The following PCSK5 variants were observed in gnomAD, a reference collection of about 807,000 sequenced individuals.
PCSK5 encodes the protein proprotein convertase subtilisin/kexin type 5.
Under a neutral mutation model 233.2 loss-of-function variants are expected in PCSK5, and 129 were observed. That is an observed-to-expected ratio of 0.55 (90% CI 0.48 to 0.64). The LOEUF (loss-of-function observed/expected upper bound fraction) is 0.64. Ranked by LOEUF, PCSK5 falls within the 30% of genes least tolerant of loss-of-function variation. The pLI is 0.00. For missense variants in PCSK5, 2,076 were observed against 2,430.1 expected, an observed-to-expected ratio of 0.85 and a Z score of 3.06; for synonymous variants, 825 against 879.2, an observed-to-expected ratio of 0.94 and a Z score of 1.09.
intron 23 of PCSK5, among the ~76,000 whole-genome samples, chr9:76,239,801 G>A (rs201062590): frequency 4.0e-5 from 6 of 151,830 alleles, no homozygotes; most frequent in African/African-American, 9.7e-5. Context: ...AATAAAATTC[G>A]AATCCAAAAG....
intron 5 of PCSK5, among the ~76,000 whole-genome samples, chr9:76,048,800 ATATTAAG>A (rs1335509069): frequency 6.6e-6 from 1 of 152,226 alleles, no homozygotes; most frequent in East Asian, 1.9e-4. Flanking sequence ...GTTGCAAATT[ATATTAAG>A]TATTCTTTCC....
intron 9 of PCSK5, among the ~76,000 whole-genome samples, chr9:76,118,354 A>G (rs1034550832): frequency 2.0e-5 from 3 of 148,848 alleles, no homozygotes; most frequent in Admixed American, 6.6e-5. Context: ...CTGATTATAT[A>G]TACTGTTTTT....
chr9:76,332,794 C>G (rs981354432), intron 34 of PCSK5, among the ~76,000 whole-genome samples, 184 bp downstream of exon 34: 1 of 152,150 alleles, frequency 6.6e-6, no homozygotes, highest in Admixed American at 6.5e-5. Flanking sequence ...GCAGAGTGAC[C>G]GAGTGAGTTA....
intron 2 of PCSK5, among the ~76,000 whole-genome samples, chr9:75,982,749 CTTT>C (rs528976970): frequency 9.9e-6 from 1 of 100,764 alleles, no homozygotes. Context: ...CCCTGTGGTG[CTTT>C]TTTTTTTTTT....
intron 3 of PCSK5, among the ~76,000 whole-genome samples, chr9:75,988,219 C>T (rs1826608867): frequency 6.6e-6 from 1 of 152,120 alleles, no homozygotes; most frequent in South Asian, 2.1e-4. Context: ...AAATACATAA[C>T]ATTTATTGAG....
rs368889950 is a variant in PCSK5, at chr9:76,233,788, C to A, written c.2866+192C>A. ...ACACAAAAAGCTTGTTCACCTTATTCGGGTGTAGACTCGGTGCCCTGGAAA... is the reference window on the plus strand; with the variant it reads ...ACACAAAAAGCTTGTTCACCTTATTAGGGTGTAGACTCGGTGCCCTGGAAA... On this transcript the variant is annotated intron_variant, in intron 22 of 37. Transcript: ENST00000674117. Among the ~76,000 whole-genome samples, 82 of 152,090 alleles carry A rather than the reference C, an allele frequency of 5.4e-4. No individual in the cohort carries two copies. In the South Asian group the frequency reaches 0.017, roughly 31 times the overall value.
intron 9 of PCSK5, among the ~76,000 whole-genome samples, chr9:76,129,804 G>C (rs144097062): frequency 2.7e-4 from 41 of 152,206 alleles, no homozygotes; most frequent in African/African-American, 9.6e-4. Context: ...GAGATGTCCT[G>C]CTTCTTCTAA....
rs773542086 is a variant in PCSK5 at position 76,358,839 on chromosome 9, C to T, written c.5581C>T (p.Arg1861Trp). The change falls in exon 38 of 38, where the codon CGG (arginine) becomes TGG (tryptophan). Residue 1861 changes from arginine (R) to tryptophan (W), a missense_variant. Transcript: ENST00000674117. ...CATGGGCCAGGATGGCACAGTCTACCGGAAATTTAAATATGGGCTGCTGGA... is the reference window on the plus strand; with the variant it reads ...CATGGGCCAGGATGGCACAGTCTACTGGAAATTTAAATATGGGCTGCTGGA... Reference protein sequence around the residue: ...VYMGQDGTVYRKFKYGLLDDD... With the variant: ...VYMGQDGTVYWKFKYGLLDDD... 104 of 1,612,640 alleles carry T rather than the reference C, an allele frequency of 6.4e-5. No individual in the cohort carries two copies. Among genetic ancestry groups the T allele is most frequent in the Non-Finnish European group, 8.6e-5 (101 of 1,179,858 alleles).
At chr9:76,198,057 T>C (rs2131264943) in intron 20 of PCSK5, among the ~76,000 whole-genome samples, 1 of 152,342 alleles carries the variant, frequency 6.6e-6, no homozygotes, top group South Asian at 2.1e-4. Flanking sequence ...CCAGATTCAG[T>C]TATTGAGCAA....
intron 10 of PCSK5, among the ~76,000 whole-genome samples, chr9:76,147,116 T>C (rs1413318944): frequency 6.6e-6 from 1 of 152,204 alleles, no homozygotes; most frequent in Non-Finnish European, 1.5e-5. Flanking sequence ...TCATCTCAAC[T>C]CAGTCAAACC....
chr9:75,967,425 T>A (rs1458341366), intron 2 of PCSK5, among the ~76,000 whole-genome samples: 3 of 152,188 alleles, frequency 2.0e-5, no homozygotes, highest in Non-Finnish European at 4.4e-5. Context: ...AACGACATGA[T>A]TTCATTCTTT....
At chr9:76,073,365 GTTAAAACAT>G (rs1427734954) in intron 7 of PCSK5, among the ~76,000 whole-genome samples, 4 of 152,114 alleles carry the variant, frequency 2.6e-5, no homozygotes, top group Non-Finnish European at 5.9e-5. Context: ...TTCAGGTTTG[GTTAAAACAT>G]TCACTTTTTT....
rs563382846 is a variant in PCSK5, at chr9:76,152,360, TACTC to T, written c.1313-4683_1313-4680del. Among the ~76,000 whole-genome samples the T allele has an allele frequency of 2.5e-3, 384 of 152,362 alleles. 3 individuals carry two copies. The highest frequency in any genetic ancestry group is 8.8e-3 in the African/African-American group (367 of 41,594). On this transcript the variant is annotated intron_variant, in intron 10 of 37. Coordinates refer to ENST00000674117, the MANE Select transcript of PCSK5 (RefSeq NM_001372043.1). ...ATTTTAGCTGGGCTTTTACATTAAA[TACTC>T]AGTAATGGATAGTGGTTACTAAGTT...
At chr9:76,296,492 G>A (rs752658182) in intron 26 of PCSK5, among the ~76,000 whole-genome samples, 173 bp from the exon 27 acceptor site, 4 of 152,070 alleles carry the variant, frequency 2.6e-5, no homozygotes, top group African/African-American at 9.7e-5. Context: ...GCAGTGAGCC[G>A]AGATCATGCC....
At position 76,189,130 on chromosome 9, in the gene PCSK5, G is replaced by C; in HGVS notation, c.2417G>C (p.Gly806Ala). 1 of 1,613,292 alleles carries C rather than the reference G, an allele frequency of 6.2e-7. No individual in the cohort carries two copies. Among genetic ancestry groups the C allele is most frequent in the Non-Finnish European group, 8.5e-7 (1 of 1,179,520 alleles). The change falls in exon 19 of 38, where the codon GGC becomes GCC. Residue 806 changes from glycine to alanine, a missense_variant. Gly to Ala is a moderately conservative substitution (Grantham distance 60, BLOSUM62 0). Coordinates refer to ENST00000674117, the MANE Select transcript of PCSK5 (RefSeq NM_001372043.1). Reference sequence around the variant, plus strand: ...GATGGGTGCATTAACTGCACAGAGGGCTACTTCATGGAGGATGGGAGATGC... The same window carrying C: ...GATGGGTGCATTAACTGCACAGAGGCCTACTTCATGGAGGATGGGAGATGC... Reference protein sequence around the residue: ...GADGCINCTEGYFMEDGRCVQ... With the variant: ...GADGCINCTEAYFMEDGRCVQ...
chr9:76,285,579 G>T (rs1182928085), intron 24 of PCSK5, among the ~76,000 whole-genome samples: 1 of 152,072 alleles, frequency 6.6e-6, no homozygotes, highest in African/African-American at 2.4e-5. Context: ...CTTGCATGGG[G>T]TATGAATGAA....
intron 13 of PCSK5, 83 bp downstream of exon 13, chr9:76,169,923 CAT>C (rs1823260060): frequency 9.4e-7 from 1 of 1,062,842 alleles, no homozygotes; most frequent in Admixed American, 1.9e-5. Flanking sequence ...TTCACACTCA[CAT>C]ATTAGCATCT....
chr9:76,135,440 T>C (rs1001844746), intron 10 of PCSK5, among the ~76,000 whole-genome samples: 1 of 152,102 alleles, frequency 6.6e-6, no homozygotes, highest in Non-Finnish European at 1.5e-5. Context: ...ATTTCTCTGC[T>C]TTGAAGTATT....
At chr9:76,222,161 T>G (rs1325424790) in intron 20 of PCSK5, among the ~76,000 whole-genome samples, 5 of 150,628 alleles carry the variant, frequency 3.3e-5, no homozygotes, top group Admixed American at 1.3e-4. Context: ...TTATTTCCAT[T>G]ATCACAGGAG....
Sources: gnomAD v4.1 joint callset for allele counts (sites outside exome capture counted in the v4.1 genomes callset) on GRCh38, gnomAD v4.1.1 for gene constraint, MANE v1.5 for transcripts, NCBI Gene and HGNC (gene_info 2026-07-23, HGNC 2026-07-21) for gene names.